The following CDC40 variants were observed in gnomAD, a reference collection of about 807,000 sequenced individuals.
CDC40 encodes the protein cell division cycle 40.
A neutral mutation model predicts 80.6 loss-of-function variants in CDC40; 27 were observed. The ratio of observed to expected loss-of-function variants is 0.33; its 90% CI spans 0.25 to 0.46. The LOEUF (loss-of-function observed/expected upper bound fraction) is 0.46, where lower values mean the gene tolerates loss of function less well. Ranked by LOEUF, CDC40 falls within the 20% of genes least tolerant of loss-of-function variation. The probability of loss-of-function intolerance (pLI) is 1.00; values close to 1 mark genes in which losing one functional copy is unlikely to be tolerated. For missense variants in CDC40, 486 were observed against 694.1 expected, an observed-to-expected ratio of 0.70 and a Z score of 3.37; for synonymous variants, 221 against 232.6, an observed-to-expected ratio of 0.95 and a Z score of 0.45.
chr6:110,219,096 G>A lies in CDC40; in HGVS notation c.1091-268G>A, dbSNP rs1270358429. 3.9e-5 allele frequency among the ~76,000 whole-genome samples: 6 copies of A among 151,966 alleles called. No homozygotes were observed. The South Asian group carries it at 6.2e-4, about 16-fold the overall frequency. On this transcript the variant is annotated intron_variant, in intron 10 of 14. Coordinates refer to ENST00000307731, the MANE Select transcript of CDC40 (RefSeq NM_015891.3). ...CCCTCATGGCTTGTACCAGTAGTTT[G>A]TTCTTTTTTATTGCTTGCACTATTC... is the stretch of plus-strand genomic sequence containing the variant.
intron 1 of CDC40, among the ~76,000 whole-genome samples, chr6:110,183,775 CTA>C (rs1263551473): frequency 6.6e-6 from 1 of 152,094 alleles, no homozygotes; most frequent in African/African-American, 2.4e-5. Flanking sequence ...CGTTTTTAAT[CTA>C]TGTTTTTTCC....
At chr6:110,213,784 G>C (rs1041506803) in intron 8 of CDC40, among the ~76,000 whole-genome samples, 1 of 152,154 alleles carries the variant, frequency 6.6e-6, no homozygotes, top group African/African-American at 2.4e-5. Context: ...TAACTGGACT[G>C]CTCCCAGCCC....
At chr6:110,195,863 G>A (rs966182906) in intron 2 of CDC40, among the ~76,000 whole-genome samples, 1 of 152,192 alleles carries the variant, frequency 6.6e-6, no homozygotes, top group African/African-American at 2.4e-5. Flanking sequence ...GGGGGCCAAG[G>A]TGAAGAGTTT....
chr6:110,209,008 T>C, intron 4 of CDC40, 76 bp from the exon 5 acceptor site: 1 of 893,388 alleles, frequency 1.1e-6, no homozygotes, highest in Non-Finnish European at 1.7e-6. Context: ...ATTAAACATA[T>C]GTTCATATTT....
At chr6:110,220,978 T>C (rs1777768731) in intron 12 of CDC40, among the ~76,000 whole-genome samples, 1 of 152,130 alleles carries the variant, frequency 6.6e-6, no homozygotes, top group African/African-American at 2.4e-5. Context: ...CCAAACCATA[T>C]CACCCCATAT....
rs1402665574 is a variant in CDC40, at chr6:110,230,340, A to G, written c.*209A>G. On this transcript the variant is annotated 3_prime_UTR_variant, in exon 15 of 15. Coordinates refer to ENST00000307731, the MANE Select transcript of CDC40 (RefSeq NM_015891.3). Reference sequence around the variant, plus strand: ...AATGTTATTTATACAGAAAGTGGCTATTGACTTTCTATTTGACAAGTAGTT... The same window carrying G: ...AATGTTATTTATACAGAAAGTGGCTGTTGACTTTCTATTTGACAAGTAGTT... The G allele has an allele frequency of 1.3e-5, 6 of 458,454 alleles. No homozygotes were observed. In the Admixed American group the frequency reaches 1.6e-4, roughly 12 times the overall value. The allele number at this position is 458,454 out of a possible 1,614,324, so 28.4% of individuals were successfully genotyped here.
rs138183532 is a variant in CDC40 at position 110,180,526 on chromosome 6, C to A, written c.82C>A (p.Arg28=). 4.3e-6 allele frequency: 7 copies of A among 1,614,046 alleles called. No individual in the cohort carries two copies. The Admixed American group carries it at 8.3e-5, about 19-fold the overall frequency. Reference sequence around the variant, plus strand: ...ATCGGACTCGGACAGTGAGAGCAGTCGGTGTCCGCTGCCAGCCGCCGACTC... The same window carrying A: ...ATCGGACTCGGACAGTGAGAGCAGTAGGTGTCCGCTGCCAGCCGCCGACTC... The part of the protein sequence containing the change: ...SESDSDSESS[R]CPLPAADSLM... The change falls in exon 1 of 15, where the codon CGG becomes AGG. Residue 28 remains arginine (R), a synonymous_variant. Coordinates refer to ENST00000307731, the MANE Select transcript of CDC40 (RefSeq NM_015891.3).
At chr6:110,206,477 A>G (rs1310810666) in intron 3 of CDC40, among the ~76,000 whole-genome samples, 2 of 152,228 alleles carry the variant, frequency 1.3e-5, no homozygotes, top group Non-Finnish European at 2.9e-5. Flanking sequence ...CATTTGAGAA[A>G]AAAACTGATT....
chr6:110,195,921 G>A (rs1777413624), intron 2 of CDC40, among the ~76,000 whole-genome samples: 1 of 152,148 alleles, frequency 6.6e-6, no homozygotes, highest in Non-Finnish European at 1.5e-5. Context: ...GTCTTAAATA[G>A]GGGAGTAGCA....
rs942755066 is a variant in CDC40, at chr6:110,232,135, G to A, written c.*2004G>A. On this transcript the variant is annotated 3_prime_UTR_variant, in exon 15 of 15. Transcript: ENST00000307731. Reference sequence around the variant, plus strand: ...TCTAAATCTGGATTGATTCTGTTGTGTTTTTGACTGTTTCTAAAGTAAGTG... The same window carrying A: ...TCTAAATCTGGATTGATTCTGTTGTATTTTTGACTGTTTCTAAAGTAAGTG... 5 of 152,296 alleles carry A rather than the reference G, an allele frequency of 3.3e-5. No homozygotes were observed. Among genetic ancestry groups the A allele is most frequent in the Middle Eastern group, 3.2e-3 (1 of 316 alleles). The allele number at this position is 152,296 out of a possible 1,614,324, so 9.4% of individuals were successfully genotyped here. A position where few individuals can be genotyped will look rare whatever the true frequency, so the allele number is the denominator to read the frequency against.
intron 14 of CDC40, 67 bp from the exon 15 acceptor site, chr6:110,229,887 A>G (rs1483678121): frequency 4.9e-6 from 5 of 1,013,162 alleles, no homozygotes; most frequent in Non-Finnish European, 7.6e-6. Context: ...TAACGTCCCT[A>G]TTCCTCATTC....
At chr6:110,186,525 A>G (rs1402400927) in intron 1 of CDC40, among the ~76,000 whole-genome samples, 1 of 152,106 alleles carries the variant, frequency 6.6e-6, no homozygotes, top group African/African-American at 2.4e-5. Flanking sequence ...AAATGCTTTC[A>G]TTTAACTGTA....
intron 5 of CDC40, 66 bp from the exon 6 acceptor site, chr6:110,210,641 A>T (rs1584075571): frequency 1.4e-6 from 1 of 737,630 alleles, no homozygotes. Context: ...AAGAATTTAT[A>T]ACCAACTTTA....
intron 8 of CDC40, among the ~76,000 whole-genome samples, chr6:110,213,401 T>C (rs1395116940): frequency 6.6e-6 from 1 of 151,426 alleles, no homozygotes; most frequent in Non-Finnish European, 1.5e-5. Flanking sequence ...TTTTGTTTTT[T>C]TTTTTTGAGA....
chr6:110,193,598 GGTTTCACTGTGTTA>G (rs1334821266), intron 2 of CDC40, among the ~76,000 whole-genome samples: 1 of 152,050 alleles, frequency 6.6e-6, no homozygotes, highest in African/African-American at 2.4e-5. Flanking sequence ...GTAGAGACGG[GGTTTCACTGTGTTA>G]GCCAGGATGG....
intron 1 of CDC40, among the ~76,000 whole-genome samples, chr6:110,183,890 G>T (rs1217618654): frequency 6.6e-6 from 1 of 151,874 alleles, no homozygotes; most frequent in African/African-American, 2.4e-5. Flanking sequence ...TTGATTTTTA[G>T]AAGACCTTTA....
intron 1 of CDC40, among the ~76,000 whole-genome samples, chr6:110,183,626 T>G (rs1777228521): frequency 6.6e-6 from 1 of 152,182 alleles, no homozygotes; most frequent in Non-Finnish European, 1.5e-5. Flanking sequence ...TTACACATAG[T>G]AAATATAATG....
At chr6:110,192,596 T>G (rs1181900655) in intron 1 of CDC40, among the ~76,000 whole-genome samples, 1 of 152,220 alleles carries the variant, frequency 6.6e-6, no homozygotes, top group Non-Finnish European at 1.5e-5. Context: ...AATTTGAGAA[T>G]TATCGTATTT....
At chr6:110,226,752 G>A (rs566337966) in intron 13 of CDC40, among the ~76,000 whole-genome samples, 42 of 151,462 alleles carry the variant, frequency 2.8e-4, no homozygotes, top group Non-Finnish European at 5.0e-4. Context: ...ACAGAATCAC[G>A]TTCAGTAAAT....
Sources: allele counts gnomAD v4.1 joint callset (sites outside exome capture counted in the v4.1 genomes callset), GRCh38; gene constraint gnomAD v4.1.1; transcripts MANE v1.5; gene names NCBI Gene and HGNC (gene_info 2026-07-23, HGNC 2026-07-21).